The following ZNF469 variants were observed in gnomAD, a reference collection of about 807,000 sequenced individuals.
ZNF469 encodes zinc finger protein 469.
ZNF469 carries 1 observed loss-of-function variant against 1.0 expected under a neutral mutation model. The ratio of observed to expected loss-of-function variants is 1.00; its 90% CI spans 0.35 to 4.73. The LOEUF (loss-of-function observed/expected upper bound fraction) is 4.73, where lower values mean the gene tolerates loss of function less well. ZNF469 is among the 30% of genes most tolerant of loss of function. The pLI, the probability that ZNF469 is intolerant of heterozygous loss-of-function variation, is 0.16. For synonymous variants in ZNF469, 2,703 were observed against 2,363.4 expected (o/e 1.14, Z -4.17); for missense variants, 6,100 against 5,356.3 (o/e 1.14, Z -4.33).
intron 1 of ZNF469, among the ~76,000 whole-genome samples, chr16:88,416,219 G>A (rs1000949822): frequency 7.9e-5 from 12 of 152,168 alleles, no homozygotes; most frequent in African/African-American, 2.2e-4. Context: ...CATCGGTCCC[G>A]GTTTCTCATG....
the ZNF469 span, among the ~76,000 whole-genome samples, chr16:88,130,547 G>T: frequency 2.0e-5 from 3 of 151,006 alleles, no homozygotes; most frequent in African/African-American, 7.4e-5. Flanking sequence ...CTCTACTAAC[G>T]ATACAAAAAT....
At chr16:88,158,684 C>T in the ZNF469 span, among the ~76,000 whole-genome samples, 1 of 152,296 alleles carries the variant, frequency 6.6e-6, no homozygotes, top group African/African-American at 2.4e-5. Flanking sequence ...CACCGCTGCC[C>T]CTCTGCTGGG....
At chr16:88,413,220 G>A (rs1905221776) in intron 1 of ZNF469, among the ~76,000 whole-genome samples, 1 of 152,262 alleles carries the variant, frequency 6.6e-6, no homozygotes, top group Non-Finnish European at 1.5e-5. Context: ...GTGCACGAGA[G>A]GCCGGGACCA....
At chr16:88,304,233 G>C in the ZNF469 span, among the ~76,000 whole-genome samples, 1 of 152,308 alleles carries the variant, frequency 6.6e-6, no homozygotes, top group East Asian at 1.9e-4. Context: ...GGGAGGTCAC[G>C]GATGCCCCGA....
the ZNF469 span, among the ~76,000 whole-genome samples, chr16:88,119,717 C>T: frequency 2.6e-5 from 4 of 152,172 alleles, no homozygotes; most frequent in African/African-American, 4.8e-5. Flanking sequence ...TGGGCTGTTC[C>T]CAGGTGGCTG....
chr16:88,413,224 G>A (rs545001719), intron 1 of ZNF469, among the ~76,000 whole-genome samples: 1 of 152,356 alleles, frequency 6.6e-6, no homozygotes, highest in African/African-American at 2.4e-5. Flanking sequence ...ACGAGAGGCC[G>A]GGACCAAGAA....
At chr16:88,143,080 A>T in the ZNF469 span, among the ~76,000 whole-genome samples, 1 of 152,102 alleles carries the variant, frequency 6.6e-6, no homozygotes, top group Non-Finnish European at 1.5e-5. Context: ...GGCCCCAGGC[A>T]CTTCACCGAC....
chr16:88,115,374 C>G, the ZNF469 span, among the ~76,000 whole-genome samples: 1 of 151,784 alleles, frequency 6.6e-6, no homozygotes, highest in African/African-American at 2.4e-5. Flanking sequence ...CTCATATGTC[C>G]CGGCTGATCA....
the ZNF469 span, among the ~76,000 whole-genome samples, chr16:88,149,638 AC>A: frequency 1.3e-4 from 20 of 151,684 alleles, no homozygotes; most frequent in East Asian, 3.5e-3. Flanking sequence ...CCACTGAAGA[AC>A]CCCCCGCACC....
the ZNF469 span, among the ~76,000 whole-genome samples, chr16:88,146,884 G>A: frequency 1.7e-4 from 26 of 152,126 alleles, no homozygotes; most frequent in Admixed American, 1.4e-3. Flanking sequence ...GGAAGAGCAC[G>A]CTGGAAGAGA....
At chr16:88,380,607 ACACGCACACACC>A (rs2092519777), upstream of ZNF469, among the ~76,000 whole-genome samples, 1 of 148,684 alleles carries the variant, frequency 6.7e-6, no homozygotes, top group African/African-American at 2.5e-5. Flanking sequence ...ATGCACTCAC[ACACGCACACACC>A]CAGACATGCG....
At chr16:88,295,644 T>C in the ZNF469 span, among the ~76,000 whole-genome samples, 6 of 152,164 alleles carry the variant, frequency 3.9e-5, no homozygotes, top group Admixed American at 2.6e-4. Context: ...ACTGTACACA[T>C]TGATACTACG....
chr16:88,431,942 C>T lies in ZNF469; in HGVS notation c.4472C>T (p.Thr1491Met), dbSNP rs375045076. ...GCATGTGCCGACCCTCCCCAGAAGA[C>T]GGTGCCGTCAGATCCACCGTACCCC... ...PFACADPPQK[T>M]VPSDPPYPSF... The change falls in exon 3 of 3, where the codon ACG (threonine) becomes ATG (methionine). Residue 1491 changes from threonine to methionine, a missense_variant. By Grantham distance (81) the Thr-to-Met change is moderately conservative. Transcript: ENST00000565624. 5,528 of 1,549,392 alleles carry T rather than the reference C, an allele frequency of 3.6e-3. 17 individuals carry two copies. The highest frequency in any genetic ancestry group is 4.5e-3 in the Non-Finnish European group (5,185 of 1,146,962).
At chr16:88,128,711 C>A in the ZNF469 span, among the ~76,000 whole-genome samples, 1 of 152,374 alleles carries the variant, frequency 6.6e-6, no homozygotes, top group South Asian at 2.1e-4. Flanking sequence ...CCCCTCTAGG[C>A]TGTGGGTTCC....
At chr16:88,253,169 G>T in the ZNF469 span, among the ~76,000 whole-genome samples, 1 of 152,164 alleles carries the variant, frequency 6.6e-6, no homozygotes, top group Non-Finnish European at 1.5e-5. Flanking sequence ...TAAAGTTGCT[G>T]TCAGCATTCT....
chr16:88,205,232 G>T, the ZNF469 span, among the ~76,000 whole-genome samples: 1 of 152,182 alleles, frequency 6.6e-6, no homozygotes, highest in Non-Finnish European at 1.5e-5. The surrounding 1 kb of genome is among the most constrained non-coding windows in gnomAD (Gnocchi z 4.2). Flanking sequence ...ACCTCAATCC[G>T]CAATGGAGAT....
the ZNF469 span, among the ~76,000 whole-genome samples, chr16:88,249,429 C>CTTTTTTTT: frequency 2.4e-4 from 15 of 63,612 alleles, no homozygotes; most frequent in East Asian, 2.4e-3. Flanking sequence ...TTTTCTTTTT[C>CTTTTTTTT]TTTTTTTTTT....
At chr16:88,116,107 G>A in the ZNF469 span, among the ~76,000 whole-genome samples, 3 of 152,188 alleles carry the variant, frequency 2.0e-5, no homozygotes, top group Non-Finnish European at 4.4e-5. Context: ...GGTCCAGACT[G>A]TATAGAGAAC....
At chr16:88,260,993 G>A in the ZNF469 span, among the ~76,000 whole-genome samples, 7 of 152,290 alleles carry the variant, frequency 4.6e-5, no homozygotes, top group East Asian at 5.8e-4. This position sits in a 1 kb window ranked among gnomAD's most constrained non-coding sequence, Gnocchi z 4.1. Flanking sequence ...ACAGAAACAC[G>A]GCGGAGAGGA....
Sources: allele counts gnomAD v4.1 joint callset (sites outside exome capture counted in the v4.1 genomes callset), GRCh38; gene constraint gnomAD v4.1.1; non-coding constraint Gnocchi (gnomAD v3.1); transcripts MANE v1.5; gene names NCBI Gene and HGNC (gene_info 2026-07-23, HGNC 2026-07-21).